The following KCNN2 variants were observed in gnomAD, a reference collection of about 807,000 sequenced individuals.
The protein encoded by KCNN2 is potassium calcium-activated channel subfamily N member 2.
KCNN2 carries 24 observed loss-of-function variants against 55.5 expected under a neutral mutation model. That is an observed-to-expected ratio of 0.43 (90% CI 0.31 to 0.61). The LOEUF (loss-of-function observed/expected upper bound fraction) is 0.61. KCNN2 is among the 20% of genes least tolerant of loss of function. KCNN2 has a pLI of 0.08. For missense variants in KCNN2, 754 were observed against 853.6 expected, an observed-to-expected ratio of 0.88 and a Z score of 1.45; for synonymous variants, 431 against 336.1, an observed-to-expected ratio of 1.28 and a Z score of -3.09.
At chr5:114,462,393 C>T (rs570485620) in intron 3 of KCNN2, among the ~76,000 whole-genome samples, 1 of 152,280 alleles carries the variant, frequency 6.6e-6, no homozygotes, top group South Asian at 2.1e-4. Flanking sequence ...TTCTATTAAG[C>T]TCTGGTTATG....
chr5:114,270,762 G>T (rs1460360087), intron 2 of KCNN2, among the ~76,000 whole-genome samples: 1 of 152,114 alleles, frequency 6.6e-6, no homozygotes, highest in African/African-American at 2.4e-5. Context: ...GTGGGTTCTT[G>T]GTCTTGCTGA....
At chr5:114,074,027 AC>A (rs1750630005) in intron 1 of KCNN2, among the ~76,000 whole-genome samples, 2 of 151,970 alleles carry the variant, frequency 1.3e-5, no homozygotes, top group Non-Finnish European at 1.5e-5. Context: ...AATATCTACA[AC>A]TTTCAGATTT....
intron 5 of KCNN2, 46 bp from the exon 6 acceptor site, chr5:114,487,004 A>C (rs200091802): frequency 8.1e-6 from 13 of 1,609,098 alleles, no homozygotes; most frequent in Non-Finnish European, 1.0e-5. Context: ...GTTACAAAGG[A>C]TTCTGCTCTG....
chr5:114,432,723 T>C (rs1460176367), intron 3 of KCNN2, among the ~76,000 whole-genome samples: 2 of 152,148 alleles, frequency 1.3e-5, no homozygotes, highest in African/African-American at 4.8e-5. Context: ...GCGGCACTTG[T>C]GGGCCAGCTG....
chr5:114,238,487 G>C (rs955770072), intron 2 of KCNN2, among the ~76,000 whole-genome samples: 1 of 152,116 alleles, frequency 6.6e-6, no homozygotes, highest in South Asian at 2.1e-4. Context: ...TTAGCTGGGC[G>C]TGGCAGCAGG....
chr5:114,363,398 G>T, intron 1 of KCNN2, 137 bp downstream of exon 1: 2 of 1,114,188 alleles, frequency 1.8e-6, no homozygotes, highest in Non-Finnish European at 2.5e-6. Context: ...CAGCGGGCGC[G>T]TCTAGGACGC....
intron 3 of KCNN2, among the ~76,000 whole-genome samples, chr5:114,437,769 A>G (rs563617049): frequency 1.3e-5 from 2 of 152,320 alleles, no homozygotes; most frequent in Admixed American, 1.3e-4. Flanking sequence ...GTAGAAAATC[A>G]TGAGTCTGGG....
intron 2 of KCNN2, among the ~76,000 whole-genome samples, chr5:114,267,543 C>G (rs904347047): frequency 6.6e-6 from 1 of 151,972 alleles, no homozygotes; most frequent in African/African-American, 2.4e-5. Flanking sequence ...AGTGGTTGAC[C>G]CCTGAATTTG....
chr5:114,155,669 C>T lies in KCNN2; in HGVS notation c.-270-65811C>T, dbSNP rs536069269. ...TTGAGCTTTTATTATGATTGTTGGC[C>T]ACATGTATATCTTCTTTTCAAAAAC... is the stretch of plus-strand genomic sequence containing the variant. On this transcript the variant is annotated intron_variant, in intron 1 of 10. Transcript: ENST00000512097. Among the ~76,000 whole-genome samples, 62 of 152,062 alleles carry T rather than the reference C, an allele frequency of 4.1e-4. 2 individuals carry two copies. The South Asian group carries it at 6.6e-3, about 16-fold the overall frequency.
chr5:114,124,865 C>G (rs1175123690), intron 1 of KCNN2, among the ~76,000 whole-genome samples: 1 of 152,098 alleles, frequency 6.6e-6, no homozygotes, highest in Admixed American at 6.5e-5. Flanking sequence ...TTCTTCTTGG[C>G]TTTATTTTTC....
intron 1 of KCNN2, among the ~76,000 whole-genome samples, chr5:114,159,494 G>T (rs541692225): frequency 3.9e-5 from 6 of 152,120 alleles, no homozygotes; most frequent in Admixed American, 3.9e-4. Flanking sequence ...CCAGGCTTTG[G>T]TATCAGGATG....
intron 3 of KCNN2, among the ~76,000 whole-genome samples, chr5:114,440,403 C>A (rs943038958): frequency 6.6e-6 from 1 of 152,116 alleles, no homozygotes; most frequent in Non-Finnish European, 1.5e-5. Context: ...CAGGTCCTCA[C>A]TAAAATAACT....
intron 2 of KCNN2, among the ~76,000 whole-genome samples, chr5:114,233,710 C>T (rs1754412392): frequency 6.6e-6 from 1 of 152,148 alleles, no homozygotes; most frequent in Non-Finnish European, 1.5e-5. Context: ...ATATTTTAAT[C>T]AATTAAGATT....
chr5:114,241,952 G>A (rs1754652865), intron 2 of KCNN2, among the ~76,000 whole-genome samples: 1 of 149,920 alleles, frequency 6.7e-6, no homozygotes, highest in South Asian at 2.1e-4. Flanking sequence ...GAACCATGAA[G>A]TATGGAGATT....
At chr5:114,310,286 G>GCT (rs1304264428) in intron 2 of KCNN2, among the ~76,000 whole-genome samples, 1 of 152,078 alleles carries the variant, frequency 6.6e-6, no homozygotes, top group Non-Finnish European at 1.5e-5. Context: ...AAACCACAGT[G>GCT]CTCCCGCCCC....
intron 5 of KCNN2, among the ~76,000 whole-genome samples, chr5:114,484,189 A>G (rs1762352912): frequency 6.6e-6 from 1 of 152,134 alleles, no homozygotes; most frequent in Admixed American, 6.5e-5. Flanking sequence ...GAGAGACACA[A>G]AGATTAGTGA....
At chr5:114,383,578 C>T (rs1038596039) in intron 2 of KCNN2, among the ~76,000 whole-genome samples, 1 of 150,910 alleles carries the variant, frequency 6.6e-6, no homozygotes, top group Non-Finnish European at 1.5e-5. Context: ...AAGCAATTCT[C>T]CTGCCTCCGC....
intron 2 of KCNN2, among the ~76,000 whole-genome samples, chr5:114,261,511 G>C (rs1020080971): frequency 6.6e-6 from 1 of 152,066 alleles, no homozygotes; most frequent in East Asian, 1.9e-4. Flanking sequence ...TGCTAATCAG[G>C]GTGTCCAAAA....
chr5:114,127,018 G>T (rs1331314459), intron 1 of KCNN2, among the ~76,000 whole-genome samples: 1 of 152,212 alleles, frequency 6.6e-6, no homozygotes, highest in East Asian at 1.9e-4. Flanking sequence ...CAAGAGATGG[G>T]CTCCCATAGC....
Sources: gnomAD v4.1 joint callset for allele counts (sites outside exome capture counted in the v4.1 genomes callset) on GRCh38, gnomAD v4.1.1 for gene constraint, MANE v1.5 for transcripts, NCBI Gene and HGNC (gene_info 2026-07-23, HGNC 2026-07-21) for gene names.